FSTL4: variants seen among roughly 807,000 people sequenced by gnomAD.
FSTL4 encodes the protein follistatin like 4.
A neutral mutation model predicts 78.2 loss-of-function variants in FSTL4; 28 were observed. The observed-to-expected ratio is 0.36, with a 90% confidence interval of 0.27 to 0.49. The LOEUF (loss-of-function observed/expected upper bound fraction) is 0.49, where lower values mean the gene tolerates loss of function less well. Ranked by LOEUF, FSTL4 falls within the 20% of genes least tolerant of loss-of-function variation. The pLI is 0.98. For synonymous variants in FSTL4, 422 were observed against 440.5 expected (o/e 0.96, Z 0.53); for missense variants, 922 against 1,084.9 (o/e 0.85, Z 2.11).
chr5:133,531,038 C>G (rs2545541), intron 3 of FSTL4, among the ~76,000 whole-genome samples: 57,465 of 151,866 alleles, frequency 0.38, 11,016 homozygotes, highest in East Asian at 0.42. Flanking sequence ...AGATGAGGCT[C>G]GGCCCTGGAT....
chr5:133,228,079 T>C (rs983480159), intron 8 of FSTL4, among the ~76,000 whole-genome samples: 1 of 151,878 alleles, frequency 6.6e-6, no homozygotes, highest in African/African-American at 2.4e-5. Flanking sequence ...ATACAAACAT[T>C]AGCCGGGTGT....
chr5:133,562,482 T>C lies in FSTL4; in HGVS notation c.160+4704A>G, dbSNP rs1342479471. The stretch of plus-strand genomic sequence containing the variant: ...TTTCACACTCGGGACTGGCAGGTCA[T>C]GTTTGCTTAGGAGATCTGCACTGCA... On this transcript the variant is annotated intron_variant, in intron 3 of 15. Transcript: ENST00000265342. Among the ~76,000 whole-genome samples the C allele has an allele frequency of 2.6e-5, 4 of 152,038 alleles. No individual in the cohort carries two copies. The East Asian group carries it at 5.8e-4, about 22-fold the overall frequency.
chr5:133,237,979 C>T (rs1268962592), intron 7 of FSTL4, among the ~76,000 whole-genome samples: 4 of 151,852 alleles, frequency 2.6e-5, no homozygotes, highest in Non-Finnish European at 4.4e-5. Context: ...GGGAAAGAGA[C>T]AATTTTAAAG....
chr5:133,649,573 C>A, the FSTL4 span, among the ~76,000 whole-genome samples: 1 of 152,134 alleles, frequency 6.6e-6, no homozygotes, highest in Admixed American at 6.6e-5. Context: ...AGTGATATCT[C>A]ATTGTTGTTT....
intron 6 of FSTL4, among the ~76,000 whole-genome samples, chr5:133,271,378 T>A (rs181367084): frequency 6.6e-6 from 1 of 152,306 alleles, no homozygotes; most frequent in African/African-American, 2.4e-5. Flanking sequence ...ATATTTTCAT[T>A]TGAGAAGATG....
the FSTL4 span, among the ~76,000 whole-genome samples, chr5:133,768,662 G>A: frequency 6.6e-6 from 1 of 152,150 alleles, no homozygotes; most frequent in African/African-American, 2.4e-5. Context: ...TTGCTTTTGT[G>A]CCTGACCTCA....
At chr5:133,707,742 C>T in the FSTL4 span, among the ~76,000 whole-genome samples, 6 of 152,054 alleles carry the variant, frequency 3.9e-5, no homozygotes, top group Admixed American at 3.9e-4. Context: ...CCATAGGGTA[C>T]CCTGTGGGGT....
chr5:133,622,956 T>G, the FSTL4 span, among the ~76,000 whole-genome samples: 2 of 152,140 alleles, frequency 1.3e-5, no homozygotes, highest in African/African-American at 2.4e-5. Context: ...GCTTTTGGTG[T>G]CAAGTCTAAA....
chr5:133,674,904 G>T, the FSTL4 span, among the ~76,000 whole-genome samples: 2 of 152,164 alleles, frequency 1.3e-5, no homozygotes. Flanking sequence ...CCTATTCAAT[G>T]CACTTGTATT....
chr5:133,391,597 C>A (rs1175237749), intron 4 of FSTL4, among the ~76,000 whole-genome samples: 1 of 152,228 alleles, frequency 6.6e-6, no homozygotes, highest in Non-Finnish European at 1.5e-5. Flanking sequence ...GGGAGATCAA[C>A]CCCATCAGCC....
chr5:133,207,251 G>A (rs550110206), intron 14 of FSTL4, among the ~76,000 whole-genome samples: 3 of 152,096 alleles, frequency 2.0e-5, no homozygotes, highest in South Asian at 4.2e-4. Flanking sequence ...CTTGTTTTAC[G>A]TATTCGTTAC....
chr5:133,249,333 A>G, intron 7 of FSTL4, 77 bp downstream of exon 7: 1 of 1,146,418 alleles, frequency 8.7e-7, no homozygotes, highest in Non-Finnish European at 1.3e-6. Flanking sequence ...CCGTCCTGCC[A>G]CTGTCTGTGG....
At chr5:133,751,863 T>C in the FSTL4 span, among the ~76,000 whole-genome samples, 1 of 152,198 alleles carries the variant, frequency 6.6e-6, no homozygotes, top group Non-Finnish European at 1.5e-5. Flanking sequence ...TTTGGAGTCA[T>C]GGGTGGGTTT....
chr5:133,641,765 A>G, the FSTL4 span, among the ~76,000 whole-genome samples: 12 of 152,068 alleles, frequency 7.9e-5, no homozygotes, highest in Non-Finnish European at 1.8e-4. Context: ...AAGAATCCAC[A>G]TAGCTACTTG....
At chr5:133,642,815 T>C in the FSTL4 span, among the ~76,000 whole-genome samples, 3 of 152,202 alleles carry the variant, frequency 2.0e-5, no homozygotes, top group African/African-American at 7.2e-5. Context: ...AGACAAGGTC[T>C]AGTATATGCT....
intron 1 of FSTL4, among the ~76,000 whole-genome samples, chr5:133,607,837 G>A (rs1761007676): frequency 6.9e-6 from 1 of 144,538 alleles, no homozygotes; most frequent in Admixed American, 6.9e-5. Flanking sequence ...CGGGATGGGG[G>A]CCCCTGGGCA....
chr5:133,627,021 C>G, the FSTL4 span, among the ~76,000 whole-genome samples: 1,643 of 152,156 alleles, frequency 0.011, 29 homozygotes, highest in African/African-American at 0.037. Flanking sequence ...GTCTGTCCCT[C>G]CTTTCATTTC....
rs1290175411 is a variant in FSTL4, at chr5:133,332,523, AG to A, written c.410-15872del. ...GGCGGAGCCAGTGGCCTGCAGCCTG[AG>A]GGTCTTCCCATCTGAGATCCCAGCA... is the stretch of plus-strand genomic sequence containing the variant. On this transcript the variant is annotated intron_variant, in intron 4 of 15. Coordinates refer to ENST00000265342, the MANE Select transcript of FSTL4 (RefSeq NM_015082.2). 1.6e-4 allele frequency among the ~76,000 whole-genome samples: 24 copies of A among 152,318 alleles called. No individual in the cohort carries two copies. In the East Asian group the frequency reaches 4.4e-3, roughly 28 times the overall value.
chr5:133,761,880 C>T, the FSTL4 span, among the ~76,000 whole-genome samples: 4 of 152,096 alleles, frequency 2.6e-5, no homozygotes, highest in Non-Finnish European at 5.9e-5. Context: ...TCCGAGACCT[C>T]GACACACACA....
Sources: gnomAD v4.1 joint callset for allele counts (sites outside exome capture counted in the v4.1 genomes callset) on GRCh38, gnomAD v4.1.1 for gene constraint, MANE v1.5 for transcripts, NCBI Gene and HGNC (gene_info 2026-07-23, HGNC 2026-07-21) for gene names.